The following PPP1R7 variants were observed in gnomAD, a reference collection of about 807,000 sequenced individuals.
PPP1R7 encodes the protein protein phosphatase 1 regulatory subunit 7, also known as protein phosphatase 1 regulatory subunit 22.
Under a neutral mutation model 45.2 loss-of-function variants are expected in PPP1R7, and 18 were observed. The observed-to-expected ratio is 0.40, with a 90% CI of 0.28 to 0.59. The LOEUF (loss-of-function observed/expected upper bound fraction) is 0.59. PPP1R7 is among the 20% of genes least tolerant of loss of function. The pLI is 0.46. For synonymous variants in PPP1R7, 181 were observed against 183.4 expected, an observed-to-expected ratio of 0.99 and a Z score of 0.11; for missense variants, 314 against 455.8, an observed-to-expected ratio of 0.69 and a Z score of 2.83.
At chr2:241,157,512 G>A (rs1361012640) in intron 2 of PPP1R7, among the ~76,000 whole-genome samples, 1 of 152,196 alleles carries the variant, frequency 6.6e-6, no homozygotes, top group Non-Finnish European at 1.5e-5. Flanking sequence ...CCCACTAACA[G>A]GTTCAAAACA....
At chr2:241,170,437 C>T (rs377116976) in intron 9 of PPP1R7, among the ~76,000 whole-genome samples, 6 of 152,264 alleles carry the variant, frequency 3.9e-5, no homozygotes, top group African/African-American at 1.4e-4. Context: ...TTTTGCAGTT[C>T]CTCTAAAGGG....
chr2:241,178,033 A>G (rs1179544346), intron 9 of PPP1R7, among the ~76,000 whole-genome samples: 1 of 152,190 alleles, frequency 6.6e-6, no homozygotes, highest in African/African-American at 2.4e-5. Context: ...CTCTTGATGG[A>G]ATGCTTTCCT....
intron 9 of PPP1R7, among the ~76,000 whole-genome samples, chr2:241,173,889 C>G (rs1159102847): frequency 1.3e-5 from 2 of 149,878 alleles, no homozygotes; most frequent in Non-Finnish European, 3.0e-5. Context: ...CTGTATTTTT[C>G]TCAACTCTAA....
At chr2:241,158,260 A>G (rs2067505218) in intron 3 of PPP1R7, among the ~76,000 whole-genome samples, 1 of 152,188 alleles carries the variant, frequency 6.6e-6, no homozygotes, top group South Asian at 2.1e-4. Flanking sequence ...AATGAGAAAA[A>G]GATGTCATGT....
At chr2:241,149,955 G>C, upstream of PPP1R7, 1 of 1,427,230 alleles carries the variant, frequency 7.0e-7, no homozygotes, top group Non-Finnish European at 9.1e-7. Context: ...GCGGCATTTC[G>C]CATGGGTAAA....
At chr2:241,176,800 T>C (rs1037026708) in intron 9 of PPP1R7, among the ~76,000 whole-genome samples, 1 of 152,222 alleles carries the variant, frequency 6.6e-6, no homozygotes. Flanking sequence ...AACAGTGAGA[T>C]ACAGTGTTAT....
intron 8 of PPP1R7, among the ~76,000 whole-genome samples, chr2:241,168,559 G>C: frequency 6.6e-6 from 1 of 152,222 alleles, no homozygotes; most frequent in East Asian, 1.9e-4. Flanking sequence ...CTCTGAACCC[G>C]CCCCACTGAG....
intron 9 of PPP1R7, among the ~76,000 whole-genome samples, chr2:241,182,336 C>G (rs1203798766): frequency 6.6e-6 from 1 of 152,216 alleles, no homozygotes; most frequent in African/African-American, 2.4e-5. Flanking sequence ...TTGACACTTG[C>G]CTATGGACAA....
At chr2:241,166,304 T>C (rs1369862560) in intron 7 of PPP1R7, 33 bp from the exon 8 acceptor site, 1 of 1,559,804 alleles carries the variant, frequency 6.4e-7, no homozygotes, top group Admixed American at 1.7e-5. Context: ...CCTTCTGTAC[T>C]GTTCTGACAG....
chr2:241,159,351 A>G lies in PPP1R7; in HGVS notation c.434+8A>G, dbSNP rs374512827. 14 of 1,611,896 alleles carry G rather than the reference A, an allele frequency of 8.7e-6. No homozygotes were observed. Among genetic ancestry groups the G allele is most frequent in the Non-Finnish European group, 1.2e-5 (14 of 1,178,762 alleles). On this transcript the variant is annotated splice_region_variant and intron_variant, in intron 5 of 9. Transcript: ENST00000234038. ...GGCGCTAACAGAGCTGGAGTGAGTCATGAGACCCACAGGAGAACAGCATGG... is the reference window on the plus strand; with the variant it reads ...GGCGCTAACAGAGCTGGAGTGAGTCGTGAGACCCACAGGAGAACAGCATGG...
chr2:241,183,214 G>T lies in PPP1R7; in HGVS notation c.*391G>T. On this transcript the variant is annotated 3_prime_UTR_variant, in exon 10 of 10. Transcript: ENST00000234038. ...CTGTCCGAGTGGCATTCGGGGGCTG[G>T]CCTAGCTGGCCCTAGTCCTGGTGTG... The T allele has an allele frequency of 2.6e-6, 1 of 378,776 alleles. No homozygotes were observed. Among genetic ancestry groups the T allele is most frequent in the South Asian group, 2.1e-5 (1 of 48,182 alleles). 23.5% of individuals were successfully genotyped at this position (378,776 alleles called of 1,614,324 possible). A position where few individuals can be genotyped will look rare whatever the true frequency, so the allele number is the denominator to read the frequency against.
chr2:241,152,410 G>A (rs1559415413), intron 1 of PPP1R7, among the ~76,000 whole-genome samples: 1 of 152,224 alleles, frequency 6.6e-6, no homozygotes, highest in Non-Finnish European at 1.5e-5. Flanking sequence ...AGCAGGGCAA[G>A]ACAAGTCACA....
At chr2:241,162,584 G>A (rs1356325429) in intron 6 of PPP1R7, among the ~76,000 whole-genome samples, 2 of 152,058 alleles carry the variant, frequency 1.3e-5, no homozygotes, top group Non-Finnish European at 2.9e-5. Context: ...TGGTGTGAGG[G>A]CCCCCCAGGA....
intron 7 of PPP1R7, among the ~76,000 whole-genome samples, chr2:241,165,669 C>T (rs994166972): frequency 6.6e-6 from 1 of 151,958 alleles, no homozygotes; most frequent in Non-Finnish European, 1.5e-5. Context: ...TCTCGGCTCA[C>T]TGCAAGCTCC....
In PPP1R7 at chr2:241,158,555, A is replaced by C; in HGVS notation, c.303+6A>C. 6.2e-7 allele frequency: 1 copy of C among 1,611,118 alleles called. No homozygotes were observed. Among genetic ancestry groups the C allele is most frequent in the Non-Finnish European group, 8.5e-7 (1 of 1,177,224 alleles). ...AGGTACTGAAGAAAGTGAAGGTGAG[A>C]GGGACTCTTATGAGGGGACTATGAC... is the stretch of plus-strand genomic sequence containing the variant. On this transcript the variant is annotated splice_donor_region_variant and intron_variant, in intron 4 of 9. Coordinates refer to ENST00000234038, the MANE Select transcript of PPP1R7 (RefSeq NM_002712.3).
At chr2:241,150,637 C>T (rs2067246873) in intron 1 of PPP1R7, 90 bp downstream of exon 1, 11 of 1,373,978 alleles carry the variant, frequency 8.0e-6, no homozygotes, top group South Asian at 6.7e-5. Flanking sequence ...AGAAACTCCA[C>T]GTCCTGCCTC....
chr2:241,161,197 T>A (rs2067581174), intron 6 of PPP1R7, among the ~76,000 whole-genome samples: 1 of 119,822 alleles, frequency 8.3e-6, no homozygotes. Flanking sequence ...GAGATGAAAG[T>A]TTCCCAAGCC....
chr2:241,157,892 G>C (rs779285296), intron 3 of PPP1R7, 30 bp downstream of exon 3: 2 of 1,601,844 alleles, frequency 1.2e-6, no homozygotes, highest in East Asian at 4.5e-5. Flanking sequence ...CCAGCCTTGG[G>C]CGTGGTGATG....
intron 9 of PPP1R7, among the ~76,000 whole-genome samples, chr2:241,173,675 C>T (rs2067857676): frequency 6.6e-6 from 1 of 152,238 alleles, no homozygotes; most frequent in South Asian, 2.1e-4. Flanking sequence ...CCCGGTTTCT[C>T]TCTGAAAACC....
Sources: allele counts gnomAD v4.1 joint callset (sites outside exome capture counted in the v4.1 genomes callset), GRCh38; gene constraint gnomAD v4.1.1; transcripts MANE v1.5; gene names NCBI Gene and HGNC (gene_info 2026-07-23, HGNC 2026-07-21).